NR1D1: variants seen among roughly 807,000 people sequenced by gnomAD.
NR1D1 encodes the protein Rev-ErbAalpha.
NR1D1 carries 17 observed loss-of-function variants against 51.1 expected under a neutral mutation model. The observed-to-expected ratio is 0.33, with a 90% CI of 0.23 to 0.50. The LOEUF (loss-of-function observed/expected upper bound fraction) is 0.50, where lower values mean the gene tolerates loss of function less well. Among genes scored for constraint, NR1D1 ranks in the 20% least tolerant of loss-of-function variants. The pLI, the probability that NR1D1 is intolerant of heterozygous loss-of-function variation, is 0.98. For synonymous variants in NR1D1, 341 were observed against 333.4 expected (o/e 1.02, Z -0.25); for missense variants, 647 against 830.4 (o/e 0.78, Z 2.71).
chr17:40,096,904 A>C, intron 2 of NR1D1, 125 bp from the exon 3 acceptor site: 1 of 1,181,382 alleles, frequency 8.5e-7, no homozygotes, highest in Non-Finnish European at 1.2e-6. Flanking sequence ...GTTGAGGGGC[A>C]CTGGAGTGAC....
intron 1 of NR1D1, among the ~76,000 whole-genome samples, chr17:40,099,258 GGCCACCAGGTCGT>G (rs1427281882): frequency 1.3e-5 from 2 of 152,206 alleles, no homozygotes; most frequent in Admixed American, 1.3e-4. Flanking sequence ...GCCCTTCCCC[GGCCACCAGGTCGT>G]GGGCTGGACC....
intron 1 of NR1D1, among the ~76,000 whole-genome samples, chr17:40,099,085 C>T (rs1043489391): frequency 6.7e-6 from 1 of 150,296 alleles, no homozygotes; most frequent in African/African-American, 2.4e-5. Flanking sequence ...TCACCCAGAT[C>T]TCGGCGGGGC....
chr17:40,099,009 T>TG (rs71152641), intron 1 of NR1D1, among the ~76,000 whole-genome samples: 54,484 of 136,118 alleles, frequency 0.4, 10,551 homozygotes, highest in East Asian at 0.56. Flanking sequence ...GTTTTGGTGA[T>TG]GGGGGAGGGG....
In NR1D1 at chr17:40,095,917, C is replaced by T. The variant is rs1323404072; in HGVS notation, c.775G>A (p.Val259Ile). The T allele has an allele frequency of 6.2e-7, 1 of 1,611,640 alleles. No individual in the cohort carries two copies. Among genetic ancestry groups the T allele is most frequent in the African/African-American group, 1.3e-5 (1 of 74,900 alleles). ...GAGAAGCCCACCAGGGGTGAGGGGA[C>T]CGGAGCAGGGGGTGGCGAGGGGCCC... ...PMGPSPPPAP[V>I]PSPLVGFSQF... Residue 259 changes from valine (V) to isoleucine (I), a missense_variant, in exon 5 of 8, where the codon GTC becomes ATC. Around this residue, in one of 7 missense-constraint regions of NR1D1, gnomAD observed 51 missense variants for 75.9 expected, o/e 0.67. Coordinates refer to ENST00000246672, the MANE Select transcript of NR1D1 (RefSeq NM_021724.5).
rs1269283203 is a variant in NR1D1 at position 40,095,110 on chromosome 17, A to G, written c.1259T>C (p.Met420Thr). The change falls in exon 6 of 8, where the codon ATG (methionine) becomes ACG (threonine). Residue 420 changes from methionine to threonine, a missense_variant. Coordinates refer to ENST00000246672, the MANE Select transcript of NR1D1 (RefSeq NM_021724.5). The part of the protein sequence containing the change: ...NSKNVLLACP[M>T]NMYPHGRSGR... ...ACTGCGTCCATGCGGGTACATGTTC[A>G]TAGGACATGCCTGGGGGAGGAAAAG... 6.2e-7 allele frequency: 1 copy of G among 1,610,992 alleles called. No individual in the cohort carries two copies. The highest frequency in any genetic ancestry group is 1.3e-5 in the African/African-American group (1 of 74,936).
chr17:40,094,876 C>T (rs948533050), intron 6 of NR1D1, 59 bp downstream of exon 6: 139 of 1,548,454 alleles, frequency 9.0e-5, no homozygotes, highest in Middle Eastern at 6.9e-4. Context: ...CCAGCCTGGG[C>T]GACAAGCGAA....
intron 6 of NR1D1, 137 bp from the exon 7 acceptor site, chr17:40,094,259 T>C: frequency 1.4e-6 from 1 of 721,666 alleles, no homozygotes; most frequent in Non-Finnish European, 2.4e-6. Context: ...GAATGGCCAA[T>C]GAGGGAGCCC....
At chr17:40,095,370 C>G (rs1987731336) in intron 5 of NR1D1, 74 bp downstream of exon 5, 2 of 1,493,040 alleles carry the variant, frequency 1.3e-6, no homozygotes, top group East Asian at 2.3e-5. Flanking sequence ...GAACCCCCAG[C>G]TGCCCTACAC....
Position 40,093,132 on chromosome 17 carries a change from T to C in NR1D1, c.1796A>G (p.Asn599Ser), listed in dbSNP as rs1567658358. ...LLKLPDLRTL[N>S]NMHSEKLLSF... ...CAGCAGCTTCTCGGAATGCATGTTG[T>C]TCAGGGTCCGCAGGTCCGGCAGCTT... The change falls in exon 8 of 8, where the codon AAC becomes AGC. Residue 599 changes from asparagine (N) to serine (S), a missense_variant. By Grantham distance (46) the Asn-to-Ser change is conservative. This residue lies in a region of NR1D1 where 155 missense variants were observed against 236.8 expected (regional missense o/e 0.65). Coordinates refer to ENST00000246672, the MANE Select transcript of NR1D1 (RefSeq NM_021724.5). This position sits in a 1 kb window ranked among gnomAD's most constrained non-coding sequence, Gnocchi z 5.9. 1 of 1,614,048 alleles carries C rather than the reference T, an allele frequency of 6.2e-7. No homozygotes were observed. Among genetic ancestry groups the C allele is most frequent in the Non-Finnish European group, 8.5e-7 (1 of 1,180,010 alleles).
chr17:40,095,689 C>G lies in NR1D1; in HGVS notation c.1003G>C (p.Gly335Arg). The G allele has an allele frequency of 1.2e-6, 2 of 1,612,544 alleles. No individual in the cohort carries two copies. Among genetic ancestry groups the G allele is most frequent in the Non-Finnish European group, 1.7e-6 (2 of 1,178,982 alleles). ...ATTPHRWENQ[G>R]CPPAPNDNNT... ...TTGTCATTGGGGGCAGGTGGGCAGC[C>G]CTGATTTTCCCAGCGATGTGGGGTG... Residue 335 changes from glycine (G) to arginine (R), a missense_variant, in exon 5 of 8, where the codon GGC becomes CGC. Physicochemically the swap from Gly to Arg is moderately radical, Grantham distance 125. Coordinates refer to ENST00000246672, the MANE Select transcript of NR1D1 (RefSeq NM_021724.5).
At chr17:40,097,731 G>A (rs563595984) in intron 1 of NR1D1, among the ~76,000 whole-genome samples, 1 of 152,294 alleles carries the variant, frequency 6.6e-6, no homozygotes, top group East Asian at 1.9e-4. Context: ...GTTGTCAGTT[G>A]AAGATCTGGG....
chr17:40,093,216 C>T lies in NR1D1; in HGVS notation c.1712G>A (p.Arg571Gln). 6.2e-7 allele frequency: 1 copy of T among 1,613,644 alleles called. No homozygotes were observed. Among genetic ancestry groups the T allele is most frequent in the Non-Finnish European group, 8.5e-7 (1 of 1,180,024 alleles). Residue 571 changes from arginine to glutamine, a missense_variant, in exon 8 of 8, where the codon CGG (arginine) becomes CAG (glutamine). Physicochemically the swap from Arg to Gln is conservative, Grantham distance 43. This residue lies in a region of NR1D1 where 155 missense variants were observed against 236.8 expected (regional missense o/e 0.65). Transcript: ENST00000246672. This position sits in a 1 kb window ranked among gnomAD's most constrained non-coding sequence, Gnocchi z 5.9. ...GGGCCGGTTCTTCAGCACCAGAGCC[C>T]GAAGAGCCCGCAGCAGCGTCTCCTG... is the stretch of plus-strand genomic sequence containing the variant. ...QLQETLLRAL[R>Q]ALVLKNRPLE...
intron 4 of NR1D1, 35 bp from the exon 5 acceptor site, chr17:40,096,122 C>A: frequency 6.3e-7 from 1 of 1,595,706 alleles, no homozygotes; most frequent in South Asian, 1.1e-5. Flanking sequence ...AGGAAGTTCT[C>A]AACCATGCTC....
In NR1D1 at chr17:40,100,005, G is replaced by A. The variant is rs1030020219; in HGVS notation, c.31+59C>T. 5 of 1,251,322 alleles carry A rather than the reference G, an allele frequency of 4.0e-6. No homozygotes were observed. In the African/African-American group the frequency reaches 4.4e-5, roughly 11 times the overall value. 77.5% of individuals were successfully genotyped at this position (1,251,322 alleles called of 1,614,324 possible). ...TACAAAGTTCCTCTTTTTATAAGGC[G>A]TAGATGGAGGTGGGGAGACAGTGAC... On this transcript the variant is annotated intron_variant, in intron 1 of 7. Transcript: ENST00000246672.
rs202090770 is a variant in NR1D1 at position 40,100,167 on chromosome 17, C to A, written c.-73G>T. 7 of 1,217,818 alleles carry A rather than the reference C, an allele frequency of 5.7e-6. No individual in the cohort carries two copies. Among genetic ancestry groups the A allele is most frequent in the African/African-American group, 3.0e-5 (2 of 67,106 alleles). 75.4% of individuals were successfully genotyped at this position (1,217,818 alleles called of 1,614,324 possible). ...CTAGAGGTTGCGATCGCCGCTGTTG[C>A]CCCCTGGGCACTGGCTAAGGGCGGG... On this transcript the variant is annotated 5_prime_UTR_variant, in exon 1 of 8. Transcript: ENST00000246672.
In NR1D1 at chr17:40,095,982, A is replaced by G. The variant is rs375249803; in HGVS notation, c.710T>C (p.Leu237Pro). 1.2e-6 allele frequency: 2 copies of G among 1,612,536 alleles called. No individual in the cohort carries two copies. Among genetic ancestry groups the G allele is most frequent in the Non-Finnish European group, 1.7e-6 (2 of 1,179,976 alleles). Residue 237 changes from leucine to proline, a missense_variant, in exon 5 of 8, where the codon CTG (leucine) becomes CCG (proline). Coordinates refer to ENST00000246672, the MANE Select transcript of NR1D1 (RefSeq NM_021724.5). ...ANNQLSSQCP[L>P]ETSPTQHPTP... is the part of the protein sequence containing the mutation. ...GGGGTGCTGGGTGGGTGAAGTCTCC[A>G]GCGGGCACTGGCTGCTCAACTGGTT...
At position 40,097,309 on chromosome 17, in the gene NR1D1, C is replaced by T; in HGVS notation, c.126G>A (p.Gln42=). ...AGGTGGGACAGCCTTGGGTCAGGGA[C>T]TGGAAGCTGCCATTGGAGTTGTCAC... ...LYSDNSNGSF[Q]SLTQGCPTYF... is the part of the protein sequence containing the mutation. The change falls in exon 2 of 8, where the codon CAG becomes CAA. Residue 42 remains glutamine (Q), a synonymous_variant. Coordinates refer to ENST00000246672, the MANE Select transcript of NR1D1 (RefSeq NM_021724.5). 1.2e-6 allele frequency: 2 copies of T among 1,614,064 alleles called. No homozygotes were observed. Among genetic ancestry groups the T allele is most frequent in the Non-Finnish European group, 1.7e-6 (2 of 1,179,998 alleles).
chr17:40,098,995 CTT>C (rs1466283192), intron 1 of NR1D1, among the ~76,000 whole-genome samples: 3 of 133,318 alleles, frequency 2.3e-5, no homozygotes, highest in Non-Finnish European at 4.7e-5. Context: ...CTCCATGTTA[CTT>C]TGTTTTGGTG....
rs1160491437 is a variant in NR1D1 at position 40,095,198 on chromosome 17, C to T, written c.1249-78G>A. 3 of 1,424,428 alleles carry T rather than the reference C, an allele frequency of 2.1e-6. No homozygotes were observed. The African/African-American group carries it at 4.2e-5, about 20-fold the overall frequency. The allele number at this position is 1,424,428 out of a possible 1,614,324, so 88.2% of individuals were successfully genotyped here. On this transcript the variant is annotated intron_variant, in intron 5 of 7. Transcript: ENST00000246672. ...GGACGCCCCGAGCAGAGCTGGACCC[C>T]AGATTCTGCCTGGGCTAGGGGCTGT... is the stretch of plus-strand genomic sequence containing the variant.
Sources: allele counts gnomAD v4.1 joint callset (sites outside exome capture counted in the v4.1 genomes callset), GRCh38; gene constraint gnomAD v4.1.1; regional missense constraint gnomAD v4.1.1; non-coding constraint Gnocchi (gnomAD v3.1); transcripts MANE v1.5; gene names NCBI Gene and HGNC (gene_info 2026-07-23, HGNC 2026-07-21).